The following OLFM3 variants were observed in gnomAD, a reference collection of about 807,000 sequenced individuals.
The protein encoded by OLFM3 is noelin-3.
Under a neutral mutation model 48.6 loss-of-function variants are expected in OLFM3, and 20 were observed. That is an observed-to-expected ratio of 0.41 (90% CI 0.29 to 0.60). The LOEUF (loss-of-function observed/expected upper bound fraction) is 0.60. Ranked by LOEUF, OLFM3 falls within the 20% of genes least tolerant of loss-of-function variation. The pLI, the probability that OLFM3 is intolerant of heterozygous loss-of-function variation, is 0.28. For synonymous variants in OLFM3, 222 were observed against 198.1 expected (o/e 1.12, Z -1.01); for missense variants, 437 against 544.3 (o/e 0.80, Z 1.96).
chr1:101,944,557 A>T (rs933903590), intron 1 of OLFM3, among the ~76,000 whole-genome samples: 1 of 152,196 alleles, frequency 6.6e-6, no homozygotes, highest in Non-Finnish European at 1.5e-5. Flanking sequence ...TCCTTCATTC[A>T]TCAATCTGAG....
At chr1:101,870,939 C>T (rs914450758) in intron 1 of OLFM3, among the ~76,000 whole-genome samples, 3 of 151,358 alleles carry the variant, frequency 2.0e-5, no homozygotes, top group South Asian at 4.2e-4. Flanking sequence ...GACTTTATAA[C>T]TCTTTTTTTA....
At chr1:101,917,420 A>ATG (rs1382319534) in intron 1 of OLFM3, among the ~76,000 whole-genome samples, 1 of 151,716 alleles carries the variant, frequency 6.6e-6, no homozygotes, top group East Asian at 1.9e-4. Context: ...ATATGGCCAT[A>ATG]TATATATATA....
At chr1:101,837,135 T>A in intron 1 of OLFM3, 110 bp from the exon 2 acceptor site, 1 of 1,118,514 alleles carries the variant, frequency 8.9e-7, no homozygotes, top group Non-Finnish European at 1.3e-6. Flanking sequence ...TAACTTTGTG[T>A]TTTCAATCTT....
chr1:101,945,570 T>G (rs1312679296), intron 1 of OLFM3, among the ~76,000 whole-genome samples: 1 of 152,148 alleles, frequency 6.6e-6, no homozygotes, highest in Non-Finnish European at 1.5e-5. Context: ...TTTTTTTATA[T>G]TGGTGATAGT....
At chr1:101,869,024 G>A (rs1557709103) in intron 1 of OLFM3, among the ~76,000 whole-genome samples, 1 of 152,220 alleles carries the variant, frequency 6.6e-6, no homozygotes, top group Non-Finnish European at 1.5e-5. Context: ...TGCTGCAGGG[G>A]CGGTACCCTC....
At chr1:101,820,656 C>T (rs377439970) in intron 4 of OLFM3, among the ~76,000 whole-genome samples, 7 of 151,892 alleles carry the variant, frequency 4.6e-5, no homozygotes, top group African/African-American at 1.7e-4. Flanking sequence ...CCCATGGTGC[C>T]CCAGTGGTCT....
At chr1:101,949,955 G>T in intron 1 of OLFM3, among the ~76,000 whole-genome samples, 1 of 118,034 alleles carries the variant, frequency 8.5e-6, no homozygotes. Flanking sequence ...AAAAGCCTCT[G>T]ATGCGGAGTT....
At chr1:101,963,209 A>G (rs1660515353) in intron 1 of OLFM3, among the ~76,000 whole-genome samples, 1 of 152,114 alleles carries the variant, frequency 6.6e-6, no homozygotes, top group Non-Finnish European at 1.5e-5. Flanking sequence ...ATTGCCACCC[A>G]TGGTGTGTGG....
chr1:101,869,167 T>C (rs1416359994), intron 1 of OLFM3, among the ~76,000 whole-genome samples: 1 of 152,162 alleles, frequency 6.6e-6, no homozygotes, highest in African/African-American at 2.4e-5. Flanking sequence ...GAATGGTAGA[T>C]CCACCAACAG....
intron 1 of OLFM3, among the ~76,000 whole-genome samples, chr1:101,939,137 C>T (rs1659711442): frequency 6.6e-6 from 1 of 152,022 alleles, no homozygotes; most frequent in Admixed American, 6.6e-5. Flanking sequence ...GCACAAACAC[C>T]ATCCAGTGCT....
intron 3 of OLFM3, among the ~76,000 whole-genome samples, chr1:101,827,328 T>G (rs1228906868): frequency 6.6e-6 from 1 of 152,042 alleles, no homozygotes; most frequent in East Asian, 1.9e-4. Context: ...AATTTTTTTT[T>G]TTTTTGAGAC....
intron 1 of OLFM3, among the ~76,000 whole-genome samples, chr1:101,901,442 A>G (rs115726094): frequency 0.011 from 1,672 of 152,212 alleles, 32 homozygotes; most frequent in African/African-American, 0.039. Flanking sequence ...ATATGGGTAT[A>G]GAGATTTAGA....
chr1:101,945,956 A>C (rs1339564530), intron 1 of OLFM3, among the ~76,000 whole-genome samples: 2 of 152,172 alleles, frequency 1.3e-5, no homozygotes, highest in African/African-American at 4.8e-5. Context: ...TGAGGCAGGG[A>C]CATGGCAAGA....
intron 1 of OLFM3, among the ~76,000 whole-genome samples, chr1:101,928,556 G>T (rs1659347882): frequency 6.6e-6 from 1 of 152,042 alleles, no homozygotes; most frequent in African/African-American, 2.4e-5. Flanking sequence ...TTCTAACAGA[G>T]AACTTGAGAA....
intron 1 of OLFM3, among the ~76,000 whole-genome samples, chr1:101,906,300 C>T (rs1409211187): frequency 2.0e-5 from 3 of 151,894 alleles, no homozygotes; most frequent in Non-Finnish European, 4.4e-5. Flanking sequence ...TAATTTTATG[C>T]CTAGACACAG....
At chr1:101,921,929 G>A (rs1400893555) in intron 1 of OLFM3, among the ~76,000 whole-genome samples, 1 of 152,012 alleles carries the variant, frequency 6.6e-6, no homozygotes. Context: ...CATGGTGGCG[G>A]GTGCCTGTAG....
intron 4 of OLFM3, among the ~76,000 whole-genome samples, chr1:101,824,617 C>T (rs1654761901): frequency 6.7e-6 from 1 of 150,214 alleles, no homozygotes; most frequent in African/African-American, 2.5e-5. Context: ...TTTCCTTTCT[C>T]TAGTCTCCAA....
chr1:101,981,713 C>A (rs1661110821), intron 1 of OLFM3, among the ~76,000 whole-genome samples: 2 of 152,194 alleles, frequency 1.3e-5, no homozygotes, highest in Non-Finnish European at 2.9e-5. Context: ...CAAAATTTCC[C>A]ATCTTAAGAA....
chr1:101,822,114 G>A (rs577449551), intron 4 of OLFM3, among the ~76,000 whole-genome samples: 5 of 152,108 alleles, frequency 3.3e-5, no homozygotes, highest in African/African-American at 7.2e-5. Context: ...CCAAAATATC[G>A]GAAGAGGCTA....
Sources: allele counts gnomAD v4.1 joint callset (sites outside exome capture counted in the v4.1 genomes callset), GRCh38; gene constraint gnomAD v4.1.1; transcripts MANE v1.5; gene names NCBI Gene and HGNC (gene_info 2026-07-23, HGNC 2026-07-21).